The following PTPRE variants were observed in gnomAD, a reference collection of about 807,000 sequenced individuals.
The protein encoded by PTPRE is protein tyrosine phosphatase receptor type E, also known as receptor-type tyrosine-protein phosphatase epsilon.
Under a neutral mutation model 102.0 loss-of-function variants are expected in PTPRE, and 51 were observed. That is an observed-to-expected ratio of 0.50 (90% CI 0.40 to 0.63). PTPRE has a LOEUF of 0.63. PTPRE is among the 30% of genes least tolerant of loss of function. The probability of loss-of-function intolerance (pLI) is 0.00; values close to 1 mark genes in which losing one functional copy is unlikely to be tolerated. For synonymous variants in PTPRE, 345 were observed against 348.2 expected (o/e 0.99, Z 0.10); for missense variants, 752 against 915.1 (o/e 0.82, Z 2.30).
intron 1 of PTPRE, among the ~76,000 whole-genome samples, chr10:127,938,241 T>C (rs1373635212): frequency 6.6e-6 from 1 of 152,194 alleles, no homozygotes; most frequent in East Asian, 1.9e-4. Flanking sequence ...TAGCAGCCCC[T>C]TAATTAGGGG....
chr10:128,010,595 C>CTTTTCTTTTCTTTTTTTTT (rs1459323086), intron 2 of PTPRE, among the ~76,000 whole-genome samples: 1 of 29,332 alleles, frequency 3.4e-5, no homozygotes, highest in African/African-American at 1.4e-4. Context: ...TCTTTTCTTT[C>CTTTTCTTTTCTTTTTTTTT]CTTTTGAGAT....
intron 6 of PTPRE, among the ~76,000 whole-genome samples, chr10:128,051,111 A>C (rs1848531460): frequency 2.6e-5 from 4 of 152,200 alleles, no homozygotes; most frequent in Admixed American, 6.5e-5. Context: ...TAACTATCCA[A>C]GTTTTCAGCT....
intron 1 of PTPRE, among the ~76,000 whole-genome samples, chr10:127,936,485 T>A (rs2135267769): frequency 6.6e-6 from 1 of 152,328 alleles, no homozygotes; most frequent in South Asian, 2.1e-4. Flanking sequence ...GTCCTTGCCT[T>A]TCTTTCTGAC....
chr10:127,917,212 G>A (rs961314264), intron 1 of PTPRE, among the ~76,000 whole-genome samples: 1 of 150,774 alleles, frequency 6.6e-6, no homozygotes, highest in African/African-American at 2.4e-5. Context: ...TGCGCCCAGG[G>A]TGTGAGCTGA....
rs140373824 is a variant in PTPRE, at chr10:127,950,317, C to T, written c.-30-31957C>T. 2.0e-5 allele frequency among the ~76,000 whole-genome samples: 3 copies of T among 152,172 alleles called. No homozygotes were observed. In the East Asian group the frequency reaches 5.8e-4, roughly 29 times the overall value. ...AGCGCAGGGAATTTGGGGAGGGGCT[C>T]AGTTTGTTTTATTGGTTGGCTGAAA... On this transcript the variant is annotated intron_variant, in intron 1 of 20. Transcript: ENST00000254667.
chr10:128,044,462 C>G (rs956055564), intron 3 of PTPRE, among the ~76,000 whole-genome samples: 5 of 152,240 alleles, frequency 3.3e-5, no homozygotes, highest in Non-Finnish European at 7.3e-5. Flanking sequence ...TGCTGGGTGG[C>G]TACACTCCAG....
At chr10:127,971,623 G>A (rs757971399) in intron 1 of PTPRE, among the ~76,000 whole-genome samples, 9 of 152,222 alleles carry the variant, frequency 5.9e-5, no homozygotes, top group South Asian at 4.1e-4. Flanking sequence ...TGCCCATCCC[G>A]GCCTGCAGCG....
At chr10:128,063,010 G>C in intron 9 of PTPRE, 73 bp from the exon 10 acceptor site, 2 of 1,594,996 alleles carry the variant, frequency 1.3e-6, no homozygotes, top group East Asian at 2.2e-5. Flanking sequence ...CCAACGGCCA[G>C]GGTGCCGGGG....
intron 2 of PTPRE, among the ~76,000 whole-genome samples, chr10:127,996,201 C>T (rs72847321): frequency 0.016 from 2,371 of 152,294 alleles, 33 homozygotes; most frequent in Admixed American, 0.025. Flanking sequence ...ATGTCAGAAG[C>T]TTCCGTTGCT....
chr10:127,986,629 C>T (rs756591483), intron 2 of PTPRE, among the ~76,000 whole-genome samples: 4 of 152,218 alleles, frequency 2.6e-5, no homozygotes, highest in Non-Finnish European at 4.4e-5. Flanking sequence ...TCCTCTGTCA[C>T]TTTTAAGAAG....
chr10:128,011,981 A>C (rs574225291), intron 2 of PTPRE, among the ~76,000 whole-genome samples: 1 of 152,362 alleles, frequency 6.6e-6, no homozygotes, highest in South Asian at 2.1e-4. Flanking sequence ...GACAGATGAC[A>C]TGCCCAGGGT....
In PTPRE at chr10:128,070,237, GCTC is replaced by G; in HGVS notation, c.1144-62_1144-60del. 1 of 1,519,014 alleles carries G rather than the reference GCTC, an allele frequency of 6.6e-7. No individual in the cohort carries two copies. The highest frequency in any genetic ancestry group is 2.2e-5 in the Admixed American group (1 of 46,264). 94.1% of individuals were successfully genotyped at this position (1,519,014 alleles called of 1,614,324 possible). A position where few individuals can be genotyped will look rare whatever the true frequency, so the allele number is the denominator to read the frequency against. ...AAAGCCGCCCTCTTTGGTCTGCCAA[GCTC>G]CACGTGGGCCAAGACTGCAGGGCAG... On this transcript the variant is annotated intron_variant, in intron 13 of 20. Coordinates refer to ENST00000254667, the MANE Select transcript of PTPRE (RefSeq NM_006504.6). The surrounding 1 kb of genome is among the most constrained non-coding windows in gnomAD (Gnocchi z 4.8).
At chr10:128,072,248 A>T in intron 16 of PTPRE, 34 bp downstream of exon 16, 2 of 1,555,450 alleles carry the variant, frequency 1.3e-6, no homozygotes, top group African/African-American at 1.4e-5. Flanking sequence ...GTTTATGCAG[A>T]TGTGTTTCCT....
At position 128,008,682 on chromosome 10, in the gene PTPRE, C is replaced by T. The variant is rs1488148873; in HGVS notation, c.-8+26386C>T. ...TTCCCAGAATCTACTGTGGTAATTC[C>T]GGCCAGGACTCAAGGATGTAAGAAG... On this transcript the variant is annotated intron_variant, in intron 2 of 20. Transcript: ENST00000254667. The surrounding 1 kb of genome is among the most constrained non-coding windows in gnomAD (Gnocchi z 4.0). Among the ~76,000 whole-genome samples the T allele has an allele frequency of 6.6e-6, 1 of 152,070 alleles. No individual in the cohort carries two copies. Among genetic ancestry groups the T allele is most frequent in the East Asian group, 1.9e-4 (1 of 5,184 alleles).
At chr10:127,971,857 G>A (rs1850768711) in intron 1 of PTPRE, among the ~76,000 whole-genome samples, 1 of 152,200 alleles carries the variant, frequency 6.6e-6, no homozygotes, top group Non-Finnish European at 1.5e-5. Flanking sequence ...CTTTCCCTTA[G>A]CACTTTCAGA....
intron 6 of PTPRE, among the ~76,000 whole-genome samples, chr10:128,051,209 G>T (rs1348649308): frequency 1.3e-5 from 2 of 152,170 alleles, no homozygotes; most frequent in Non-Finnish European, 2.9e-5. Flanking sequence ...GCTGATGGGG[G>T]TGTCTGAGTC....
intron 1 of PTPRE, among the ~76,000 whole-genome samples, chr10:127,962,610 G>T (rs1005137589): frequency 2.0e-5 from 3 of 152,214 alleles, no homozygotes; most frequent in Admixed American, 6.5e-5. Flanking sequence ...CACCACAGAG[G>T]CCTCAATGAA....
intron 2 of PTPRE, 90 bp downstream of exon 2, chr10:127,982,386 T>C (rs1851704723): frequency 4.3e-6 from 4 of 924,086 alleles, no homozygotes; most frequent in African/African-American, 1.8e-5. Context: ...AAGAGCATTG[T>C]TTTCTTGAGA....
At chr10:127,942,893 A>G (rs564227521) in intron 1 of PTPRE, among the ~76,000 whole-genome samples, 62 of 152,324 alleles carry the variant, frequency 4.1e-4, no homozygotes, top group South Asian at 8.3e-4. Context: ...GTACATTACC[A>G]CAATTTAAAA....
Sources: allele counts gnomAD v4.1 joint callset (sites outside exome capture counted in the v4.1 genomes callset), GRCh38; gene constraint gnomAD v4.1.1; non-coding constraint Gnocchi (gnomAD v3.1); transcripts MANE v1.5; gene names NCBI Gene and HGNC (gene_info 2026-07-23, HGNC 2026-07-21).